The following PEX16 variants were observed in gnomAD, a reference collection of about 807,000 sequenced individuals.
PEX16 encodes peroxisomal biogenesis factor 16, also known as peroxin 16.
A neutral mutation model predicts 50.5 loss-of-function variants in PEX16; 37 were observed. The observed-to-expected ratio is 0.73, with a 90% CI of 0.56 to 0.96. The LOEUF (loss-of-function observed/expected upper bound fraction) is 0.96, where lower values mean the gene tolerates loss of function less well. Among genes scored for constraint, PEX16 ranks in the 40% least tolerant of loss-of-function variants. The pLI is 0.00. For missense variants in PEX16, 401 were observed against 438.3 expected (o/e 0.91, Z 0.76); for synonymous variants, 185 against 190.3 (o/e 0.97, Z 0.23).
At position 45,915,612 on chromosome 11, in the gene PEX16, G is replaced by A. The variant is rs765709417; in HGVS notation, c.360-44C>T. 19 of 1,612,550 alleles carry A rather than the reference G, an allele frequency of 1.2e-5. No individual in the cohort carries two copies. The East Asian group carries it at 1.3e-4, about 11-fold the overall frequency. ...CAGGGTTGTGGGGAGGTGGCTAGCC[G>A]GCGGGAGGCCAGGGATGCTCTGCTG... On this transcript the variant is annotated intron_variant, in intron 4 of 10. Coordinates refer to ENST00000378750, the MANE Select transcript of PEX16 (RefSeq NM_004813.4).
chr11:45,916,871 T>C, intron 2 of PEX16: 1 of 375,956 alleles, frequency 2.7e-6, no homozygotes, highest in Non-Finnish European at 5.3e-6. Flanking sequence ...GGTTTCACCA[T>C]GTTGGCCAGG....
chr11:45,914,388 C>CA lies in PEX16; in HGVS notation c.621dup (p.Ala208CysfsTer55). On this transcript the variant is annotated frameshift_variant, in exon 7 of 11. Coordinates refer to ENST00000378750, the MANE Select transcript of PEX16 (RefSeq NM_004813.4). LOFTEE classifies it high-confidence loss of function. ...TGCAGCCCCAGGGGGGTGGGGGTCG[C>CA]ACTCAGCTCCTCGTGATGCTGCTGC... 1.9e-6 allele frequency: 3 copies of CA among 1,610,272 alleles called. No homozygotes were observed. The highest frequency in any genetic ancestry group is 2.5e-6 in the Non-Finnish European group (3 of 1,180,006).
intron 7 of PEX16, 23 bp downstream of exon 7, chr11:45,914,293 A>ATCCTGCCCCGCGC (rs1159526969): frequency 6.2e-7 from 1 of 1,613,614 alleles, no homozygotes; most frequent in Admixed American, 1.7e-5. Flanking sequence ...TGCCAGCCCT[A>ATCCTGCCCCGCGC]TCCTGCCCCG....
In PEX16 at chr11:45,916,589, C is replaced by G. The variant is rs549344338; in HGVS notation, c.149-286G>C. On this transcript the variant is annotated intron_variant, in intron 2 of 10. Coordinates refer to ENST00000378750, the MANE Select transcript of PEX16 (RefSeq NM_004813.4). ...CAGCTGCCCACAACTGCCCATCGCT[C>G]TCTGAACTGCCACAGATACACGGTC... 2.2e-3 allele frequency among the ~76,000 whole-genome samples: 334 copies of G among 152,354 alleles called. 1 individual carries two copies. The highest frequency in any genetic ancestry group is 3.8e-3 in the Non-Finnish European group (260 of 68,030).
chr11:45,916,655 G>A (rs772962131), intron 2 of PEX16, among the ~76,000 whole-genome samples: 3 of 152,162 alleles, frequency 2.0e-5, no homozygotes, highest in Admixed American at 6.5e-5. Context: ...CTGTTCCTGA[G>A]GGTCTATTCC....
chr11:45,913,317 G>A (rs1212206229), intron 9 of PEX16, among the ~76,000 whole-genome samples: 1 of 152,196 alleles, frequency 6.6e-6, no homozygotes, highest in East Asian at 1.9e-4. Flanking sequence ...GCCTCTCTCA[G>A]GCTGGGAGCT....
chr11:45,918,082 G>A, upstream of PEX16: 1 of 526,748 alleles, frequency 1.9e-6, no homozygotes, highest in East Asian at 3.4e-5. Context: ...CTCCGCCCCT[G>A]ACCCGCCCAG....
upstream of PEX16, chr11:45,917,938 G>T: frequency 1.4e-6 from 1 of 734,514 alleles, no homozygotes; most frequent in Non-Finnish European, 2.4e-6. Context: ...CCGCGGGCCA[G>T]AAGGCTGAGG....
chr11:45,915,676 A>G lies in PEX16; in HGVS notation c.359+27T>C, dbSNP rs745965713. On this transcript the variant is annotated intron_variant, in intron 4 of 10. Coordinates refer to ENST00000378750, the MANE Select transcript of PEX16 (RefSeq NM_004813.4). ...TAGCTAGCCTGCGTCACCCCCACCC[A>G]GGACCCTCTCCACAATCCCAACCTA... 5 of 1,613,920 alleles carry G rather than the reference A, an allele frequency of 3.1e-6. No individual in the cohort carries two copies. In the South Asian group the frequency reaches 3.3e-5, roughly 11 times the overall value.
upstream of PEX16, chr11:45,918,133 C>A (rs2086860292): frequency 2.2e-6 from 1 of 457,558 alleles, no homozygotes; most frequent in African/African-American, 2.0e-5. Context: ...GGGTTGGCTG[C>A]CCTTGCGCCT....
At position 45,917,490 on chromosome 11, in the gene PEX16, C is replaced by T. The variant is rs139063232; in HGVS notation, c.116G>A (p.Arg39Gln). Residue 39 changes from arginine (R) to glutamine (Q), a missense_variant, in exon 2 of 11, where the codon CGA becomes CAA. By Grantham distance (43) the Arg-to-Gln change is conservative. Coordinates refer to ENST00000378750, the MANE Select transcript of PEX16 (RefSeq NM_004813.4). ...TGACAGCTCGTGCGAATCGGCGAAT[C>T]GACCTGGGGAGAGGGTACAGAAGGA... ...VRGFSYLLAGRFADSHELSEL... is the reference protein window; with the variant it reads ...VRGFSYLLAGQFADSHELSEL... 1.2e-6 allele frequency: 2 copies of T among 1,614,070 alleles called. No individual in the cohort carries two copies. Among genetic ancestry groups the T allele is most frequent in the Admixed American group, 1.7e-5 (1 of 60,026 alleles).
chr11:45,914,796 G>T, intron 5 of PEX16, 112 bp from the exon 6 acceptor site: 1 of 911,502 alleles, frequency 1.1e-6, no homozygotes, highest in Non-Finnish European at 1.8e-6. Flanking sequence ...AGATGAGCTT[G>T]TACTATGGCA....
chr11:45,917,114 CT>C, intron 2 of PEX16: 1 of 604,780 alleles, frequency 1.7e-6, no homozygotes. Context: ...CCATCAGTGA[CT>C]GTTCTCTAAC....
chr11:45,918,286 G>A, upstream of PEX16: 1 of 234,910 alleles, frequency 4.3e-6, no homozygotes, highest in Non-Finnish European at 8.7e-6. Context: ...GAGATAGCGG[G>A]TGCTTGAAAA....
At chr11:45,911,487 GTT>G (rs1347871308) in intron 9 of PEX16, among the ~76,000 whole-genome samples, 1 of 152,256 alleles carries the variant, frequency 6.6e-6, no homozygotes, top group Middle Eastern at 3.2e-3. Flanking sequence ...AGACAGGAGG[GTT>G]TTCCACAGGG....
In PEX16 at chr11:45,916,451, C is replaced by T. The variant is rs2086837078; in HGVS notation, c.149-148G>A. On this transcript the variant is annotated intron_variant, in intron 2 of 10. Transcript: ENST00000378750. ...AACCAACCTTCTTCTCCACCCACTT[C>T]CTCAGCACTCCCCTCTCCCCAACAT... 5.4e-6 allele frequency: 4 copies of T among 735,540 alleles called. No individual in the cohort carries two copies. The Admixed American group carries it at 7.5e-5, about 14-fold the overall frequency. The allele number at this position is 735,540 out of a possible 1,614,324, so 45.6% of individuals were successfully genotyped here.
intron 2 of PEX16, chr11:45,917,038 T>G (rs141806593): frequency 6.5e-5 from 32 of 490,318 alleles, no homozygotes; most frequent in African/African-American, 6.2e-4. Context: ...GCAAACACTC[T>G]TGAGGTAGTT....
upstream of PEX16, chr11:45,918,115 C>T: frequency 2.1e-6 from 1 of 485,462 alleles, no homozygotes. Context: ...CCAGCTCTTC[C>T]GTTTACCGGG....
chr11:45,914,627 C>T lies in PEX16; in HGVS notation c.518G>A (p.Arg173Gln), dbSNP rs1252660802. The change falls in exon 6 of 11, where the codon CGG becomes CAG. Residue 173 changes from arginine to glutamine, a missense_variant. Transcript: ENST00000378750. ...EQSYVGKRSN[R>Q]VVRTLQNTPS... ...ACTGTTCTGGAGGGTTCGCACCACC[C>T]GGTTTGACCGCTTCCCCACGTAGGA... is the stretch of plus-strand genomic sequence containing the variant. The T allele has an allele frequency of 5.0e-6, 8 of 1,614,204 alleles. No homozygotes were observed. The highest frequency in any genetic ancestry group is 3.3e-5 in the South Asian group (3 of 91,090).
Sources: allele counts gnomAD v4.1 joint callset (sites outside exome capture counted in the v4.1 genomes callset), GRCh38; gene constraint gnomAD v4.1.1; transcripts MANE v1.5; gene names NCBI Gene and HGNC (gene_info 2026-07-23, HGNC 2026-07-21).